Variants in SIRPG observed in about 807,000 individuals in gnomAD.
SIRPG encodes signal regulatory protein gamma.
Under a neutral mutation model 35.7 loss-of-function variants are expected in SIRPG, and 38 were observed. The ratio of observed to expected loss-of-function variants is 1.06; its 90% CI spans 0.82 to 1.40. The LOEUF is 1.40. Ranked by LOEUF, SIRPG falls within the 40% of genes most tolerant of loss-of-function variation. The probability of loss-of-function intolerance (pLI) is 0.00; values close to 1 mark genes in which losing one functional copy is unlikely to be tolerated. For missense variants in SIRPG, 519 were observed against 483.0 expected (o/e 1.07, Z -0.70); for synonymous variants, 215 against 190.4 (o/e 1.13, Z -1.06).
Position 1,657,760 on chromosome 20 carries a change from G to A in SIRPG, c.-46C>T. On this transcript the variant is annotated 5_prime_UTR_variant, in exon 1 of 6. Coordinates refer to ENST00000303415, the MANE Select transcript of SIRPG (RefSeq NM_018556.4). ...GCTCTGTTCAAACGTCTGTTCTGGG[G>A]AGATGTCAGGCCCTGCTCTGAAGAC... 6.4e-7 allele frequency: 1 copy of A among 1,564,144 alleles called. No homozygotes were observed. Among genetic ancestry groups the A allele is most frequent in the Non-Finnish European group, 8.8e-7 (1 of 1,137,534 alleles).
At chr20:1,657,542 C>A in intron 1 of SIRPG, 100 bp downstream of exon 1, 1 of 1,173,780 alleles carries the variant, frequency 8.5e-7, no homozygotes. Flanking sequence ...CTTGACCTTC[C>A]TTGGCAGTGC....
At chr20:1,634,824 A>G (rs1420796073) in intron 4 of SIRPG, among the ~76,000 whole-genome samples, 1 of 151,824 alleles carries the variant, frequency 6.6e-6, no homozygotes, top group Non-Finnish European at 1.5e-5. Context: ...CGGGCGGATC[A>G]CGAGGTCAGG....
chr20:1,683,385 C>T, the SIRPG span, among the ~76,000 whole-genome samples: 1 of 152,214 alleles, frequency 6.6e-6, no homozygotes, highest in Admixed American at 6.5e-5. Context: ...ATCCAGCAAT[C>T]TCACTTCTGG....
chr20:1,671,172 T>G, the SIRPG span: 1 of 326,058 alleles, frequency 3.1e-6, no homozygotes, highest in South Asian at 3.0e-5. Context: ...CTGCAGTGCA[T>G]GATACCACAG....
At chr20:1,676,614 C>G in the SIRPG span, 1 of 152,548 alleles carries the variant, frequency 6.6e-6, no homozygotes, top group Admixed American at 6.5e-5. Flanking sequence ...ATTGCTGGCT[C>G]TTCGGTCAGT....
At chr20:1,642,117 C>A (rs914580220) in intron 2 of SIRPG, among the ~76,000 whole-genome samples, 2 of 152,104 alleles carry the variant, frequency 1.3e-5, no homozygotes, top group African/African-American at 4.8e-5. Flanking sequence ...TCCACTTGAT[C>A]CAGAGCTGAG....
the SIRPG span, among the ~76,000 whole-genome samples, chr20:1,670,555 G>A: frequency 1.8e-4 from 27 of 152,258 alleles, no homozygotes; most frequent in African/African-American, 6.3e-4. Flanking sequence ...CAGGCACACA[G>A]GGCCTTGGCT....
intron 4 of SIRPG, 140 bp downstream of exon 4, chr20:1,635,127 A>C: frequency 1.6e-6 from 1 of 636,958 alleles, no homozygotes; most frequent in South Asian, 2.1e-5. Flanking sequence ...GACTCTTCGC[A>C]TGTGGGATTT....
At chr20:1,643,205 C>T (rs1361732491) in intron 2 of SIRPG, among the ~76,000 whole-genome samples, 1 of 152,216 alleles carries the variant, frequency 6.6e-6, no homozygotes, top group African/African-American at 2.4e-5. Flanking sequence ...TTCAGGTACT[C>T]CAATCAATCA....
intron 4 of SIRPG, among the ~76,000 whole-genome samples, chr20:1,632,361 A>G (rs1395203533): frequency 6.6e-6 from 1 of 152,190 alleles, no homozygotes; most frequent in Non-Finnish European, 1.5e-5. Context: ...CCTAGTGCAC[A>G]GTCTCTTACC....
chr20:1,649,626 G>GTCCT (rs1300739683), intron 1 of SIRPG, among the ~76,000 whole-genome samples: 99 of 101,650 alleles, frequency 9.7e-4, no homozygotes, highest in African/African-American at 3.7e-3. Context: ...GCACAGAGAG[G>GTCCT]TTCTTTTTTT....
intron 2 of SIRPG, among the ~76,000 whole-genome samples, chr20:1,645,176 T>G (rs2091888881): frequency 6.6e-6 from 1 of 152,150 alleles, no homozygotes; most frequent in South Asian, 2.1e-4. Flanking sequence ...GCCCGTACTG[T>G]GGGAGGGGTC....
At chr20:1,678,054 A>G in the SIRPG span, among the ~76,000 whole-genome samples, 57,616 of 151,592 alleles carry the variant, frequency 0.38, 12,356 homozygotes, top group Admixed American at 0.49. Context: ...CATATATACA[A>G]TTTTTTTAAA....
chr20:1,629,657 A>G (rs1568720596), intron 5 of SIRPG, 21 bp from the exon 6 acceptor site: 1 of 152,812 alleles, frequency 6.5e-6, no homozygotes, highest in Non-Finnish European at 1.5e-5. Context: ...ACACATCCAC[A>G]CTTAGTCATC....
At chr20:1,683,297 G>A in the SIRPG span, among the ~76,000 whole-genome samples, 8 of 152,200 alleles carry the variant, frequency 5.3e-5, no homozygotes, top group African/African-American at 1.9e-4. Flanking sequence ...CACTGTTGGT[G>A]AGAATGTAAA....
At chr20:1,636,557 A>G (rs2091804724) in intron 2 of SIRPG, 52 bp from the exon 3 acceptor site, 2 of 1,571,772 alleles carry the variant, frequency 1.3e-6, no homozygotes, top group East Asian at 2.2e-5. Context: ...GACAATCACT[A>G]ACGATGAGTG....
At chr20:1,668,988 G>A in the SIRPG span, among the ~76,000 whole-genome samples, 1 of 152,218 alleles carries the variant, frequency 6.6e-6, no homozygotes, top group African/African-American at 2.4e-5. Context: ...ATGTCTTAGG[G>A]CATGCAGGAG....
intron 2 of SIRPG, among the ~76,000 whole-genome samples, chr20:1,642,439 G>A (rs575015210): frequency 2.6e-4 from 40 of 152,134 alleles, no homozygotes; most frequent in Admixed American, 7.2e-4. Context: ...TCCTCCATCC[G>A]TTTGTTTTGA....
At chr20:1,661,936 A>T (rs2091997106), upstream of SIRPG, among the ~76,000 whole-genome samples, 1 of 152,184 alleles carries the variant, frequency 6.6e-6, no homozygotes, top group Non-Finnish European at 1.5e-5. Flanking sequence ...CTCTGTAGCT[A>T]AGGACTGAGC....
Sources: gnomAD v4.1 joint callset for allele counts (sites outside exome capture counted in the v4.1 genomes callset) on GRCh38, gnomAD v4.1.1 for gene constraint, MANE v1.5 for transcripts, NCBI Gene and HGNC (gene_info 2026-07-23, HGNC 2026-07-21) for gene names.